The following GRIK4 variants were observed in gnomAD, a reference collection of about 807,000 sequenced individuals.
The protein encoded by GRIK4 is glutamate receptor ionotropic, kainate 4.
A neutral mutation model predicts 104.9 loss-of-function variants in GRIK4; 40 were observed. That is an observed-to-expected ratio of 0.38 (90% CI 0.30 to 0.50). GRIK4 has a LOEUF of 0.50. GRIK4 is among the 20% of genes least tolerant of loss of function. GRIK4 has a pLI of 0.93. For missense variants in GRIK4, 1,047 were observed against 1,308.1 expected (o/e 0.80, Z 3.08); for synonymous variants, 485 against 524.9 (o/e 0.92, Z 1.04).
chr11:120,984,841 G>C (rs77907623), intron 20 of GRIK4, among the ~76,000 whole-genome samples: 1 of 75,376 alleles, frequency 1.3e-5, no homozygotes, highest in Non-Finnish European at 2.6e-5. Context: ...TTTTTTTTTT[G>C]AGATAGAGTC....
rs140337035 is a variant in GRIK4, at chr11:120,818,042, C to T, written c.346-1713C>T. On this transcript the variant is annotated intron_variant, in intron 5 of 20. Coordinates refer to ENST00000527524, the MANE Select transcript of GRIK4 (RefSeq NM_014619.5). Reference sequence around the variant, plus strand: ...AGTGGTTTATCTGAAAATCACACAGCAGAACCTGGATGCAAACCCAAGTCT... The same window carrying T: ...AGTGGTTTATCTGAAAATCACACAGTAGAACCTGGATGCAAACCCAAGTCT... 9.8e-5 allele frequency among the ~76,000 whole-genome samples: 15 copies of T among 152,348 alleles called. No homozygotes were observed. In the East Asian group the frequency reaches 2.5e-3, roughly 25 times the overall value.
At chr11:120,671,259 A>T (rs1950012651) in intron 3 of GRIK4, among the ~76,000 whole-genome samples, 1 of 152,154 alleles carries the variant, frequency 6.6e-6, no homozygotes, top group East Asian at 1.9e-4. Flanking sequence ...CTAGCTCTAG[A>T]TCCTTGAGGA....
intron 1 of GRIK4, among the ~76,000 whole-genome samples, chr11:120,577,889 G>A (rs1465813789): frequency 1.3e-5 from 2 of 152,154 alleles, no homozygotes; most frequent in African/African-American, 4.8e-5. Context: ...TGCAGTGCTC[G>A]GATTTCTCAG....
At chr11:120,712,195 TG>T (rs1950746173) in intron 3 of GRIK4, among the ~76,000 whole-genome samples, 5 of 152,204 alleles carry the variant, frequency 3.3e-5, no homozygotes, top group Admixed American at 6.5e-5. Flanking sequence ...AGCCTGCCCT[TG>T]GGGGTAGTGG....
intron 8 of GRIK4, among the ~76,000 whole-genome samples, chr11:120,837,535 C>T (rs1023642461): frequency 1.3e-5 from 2 of 152,166 alleles, no homozygotes; most frequent in African/African-American, 4.8e-5. Flanking sequence ...ATGAAAGCCA[C>T]ACATATTATA....
At chr11:120,642,623 C>A (rs576192613) in intron 1 of GRIK4, among the ~76,000 whole-genome samples, 1 of 152,238 alleles carries the variant, frequency 6.6e-6, no homozygotes, top group Admixed American at 6.5e-5. Context: ...GGCTGTGAGG[C>A]CCCATCTTCT....
intron 20 of GRIK4, among the ~76,000 whole-genome samples, chr11:120,984,532 G>C (rs1414619168): frequency 6.6e-6 from 1 of 152,118 alleles, no homozygotes; most frequent in African/African-American, 2.4e-5. Context: ...ACTTTGGGAG[G>C]CCGAGGCAGG....
At chr11:120,923,752 G>A (rs945769210) in intron 13 of GRIK4, among the ~76,000 whole-genome samples, 3 of 152,092 alleles carry the variant, frequency 2.0e-5, no homozygotes, top group Non-Finnish European at 2.9e-5. Context: ...CCCGTGAAGC[G>A]GAAACTGGTA....
chr11:120,908,233 G>A (rs562085367), intron 13 of GRIK4, among the ~76,000 whole-genome samples: 27 of 152,266 alleles, frequency 1.8e-4, no homozygotes, highest in African/African-American at 6.5e-4. Context: ...TTAAGCCCTG[G>A]TCTGTCTGAT....
rs75430033 is a variant in GRIK4 at position 120,849,686 on chromosome 11, C to T, written c.745-12273C>T. Among the ~76,000 whole-genome samples, 10 of 152,224 alleles carry T rather than the reference C, an allele frequency of 6.6e-5. No individual in the cohort carries two copies. In the East Asian group the frequency reaches 1.9e-3, roughly 29 times the overall value. The stretch of plus-strand genomic sequence containing the variant: ...AGGCTCAGAGATGTTCAAGGGTCTT[C>T]ACTCAATAAGTGGCAGATGTGAGAA... On this transcript the variant is annotated intron_variant, in intron 8 of 20. Transcript: ENST00000527524.
At chr11:120,914,057 C>A (rs1397005544) in intron 13 of GRIK4, among the ~76,000 whole-genome samples, 1 of 152,194 alleles carries the variant, frequency 6.6e-6, no homozygotes, top group Non-Finnish European at 1.5e-5. Context: ...CTTTACCTTC[C>A]CCATTAAGGC....
chr11:120,690,364 A>G (rs542396683), intron 3 of GRIK4, among the ~76,000 whole-genome samples: 1 of 152,336 alleles, frequency 6.6e-6, no homozygotes, highest in East Asian at 1.9e-4. Context: ...TTCTAGGCAC[A>G]TCTCTATTGT....
At chr11:120,709,978 G>A (rs1411046265) in intron 3 of GRIK4, among the ~76,000 whole-genome samples, 5 of 152,154 alleles carry the variant, frequency 3.3e-5, no homozygotes, top group Admixed American at 3.3e-4. Flanking sequence ...AGGGTGCTTT[G>A]GAAACCAAGA....
At chr11:120,935,106 G>A (rs901610908) in intron 13 of GRIK4, among the ~76,000 whole-genome samples, 4 of 152,194 alleles carry the variant, frequency 2.6e-5, no homozygotes, top group African/African-American at 7.2e-5. Flanking sequence ...TCATGTAAGC[G>A]CTGTCTCTTC....
intron 3 of GRIK4, among the ~76,000 whole-genome samples, chr11:120,697,276 C>G (rs1950465648): frequency 6.6e-6 from 1 of 152,200 alleles, no homozygotes; most frequent in African/African-American, 2.4e-5. Flanking sequence ...ACCCCAAATC[C>G]TGAATGCCCC....
chr11:120,796,747 G>A (rs1478393909), intron 3 of GRIK4, among the ~76,000 whole-genome samples: 1 of 152,084 alleles, frequency 6.6e-6, no homozygotes, highest in Non-Finnish European at 1.5e-5. Context: ...GACAGAAGGG[G>A]CCTGAGGCCA....
intron 1 of GRIK4, among the ~76,000 whole-genome samples, chr11:120,516,605 A>G (rs909690890): frequency 3.9e-5 from 6 of 151,970 alleles, no homozygotes; most frequent in Admixed American, 3.9e-4. Context: ...TGGGCAGAGG[A>G]GTGCTGTGCA....
At chr11:120,955,503 C>T (rs748415443) in intron 15 of GRIK4, among the ~76,000 whole-genome samples, 11 of 152,244 alleles carry the variant, frequency 7.2e-5, no homozygotes, top group Non-Finnish European at 1.2e-4. Flanking sequence ...TACAGTTTCT[C>T]TCGTCAGAGC....
intron 3 of GRIK4, among the ~76,000 whole-genome samples, chr11:120,683,108 C>T (rs1019841714): frequency 1.9e-4 from 29 of 152,014 alleles, no homozygotes; most frequent in African/African-American, 7.0e-4. Flanking sequence ...GGTTTAAGAG[C>T]ATTGACTAAC....
Sources: gnomAD v4.1 joint callset for allele counts (sites outside exome capture counted in the v4.1 genomes callset) on GRCh38, gnomAD v4.1.1 for gene constraint, MANE v1.5 for transcripts, NCBI Gene and HGNC (gene_info 2026-07-23, HGNC 2026-07-21) for gene names.